CNTN4: variants seen among roughly 807,000 people sequenced by gnomAD.
CNTN4 encodes contactin 4, also known as contactin-4.
Under a neutral mutation model 122.5 loss-of-function variants are expected in CNTN4, and 77 were observed. The observed-to-expected ratio is 0.63, with a 90% CI of 0.52 to 0.76. CNTN4 has a LOEUF of 0.76. Ranked by LOEUF, CNTN4 falls within the 30% of genes least tolerant of loss-of-function variation. The pLI, the probability that CNTN4 is intolerant of heterozygous loss-of-function variation, is 0.00. For missense variants in CNTN4, 1,256 were observed against 1,259.1 expected (o/e 1.00, Z 0.04); for synonymous variants, 512 against 447.0 (o/e 1.15, Z -1.83).
intron 2 of CNTN4, among the ~76,000 whole-genome samples, chr3:2,189,312 G>A (rs2037416923): frequency 6.6e-6 from 1 of 152,048 alleles, no homozygotes; most frequent in African/African-American, 2.4e-5. Context: ...GTCCTTCACC[G>A]ATGCCTGCCG....
intron 17 of CNTN4, 109 bp downstream of exon 17, chr3:3,034,899 T>C: frequency 2.6e-6 from 3 of 1,162,818 alleles, no homozygotes; most frequent in East Asian, 2.3e-5. Flanking sequence ...ACAAATGATA[T>C]ATTATGGCAG....
At chr3:2,368,689 G>A (rs922937037) in intron 3 of CNTN4, among the ~76,000 whole-genome samples, 1 of 151,996 alleles carries the variant, frequency 6.6e-6, no homozygotes, top group African/African-American at 2.4e-5. Context: ...CTGAACAGAA[G>A]TGCAAGACTA....
At chr3:2,422,594 C>A (rs187055536) in intron 3 of CNTN4, among the ~76,000 whole-genome samples, 119 of 152,332 alleles carry the variant, frequency 7.8e-4, no homozygotes, top group Non-Finnish European at 1.5e-3. Context: ...CCAATTCCTT[C>A]TTCCCTATAG....
chr3:2,840,726 A>T (rs1325896752), intron 7 of CNTN4, among the ~76,000 whole-genome samples: 1 of 151,920 alleles, frequency 6.6e-6, no homozygotes, highest in Non-Finnish European at 1.5e-5. Flanking sequence ...AAATAAAAAA[A>T]TAAAAGCTGG....
chr3:2,907,029 A>C (rs2151186931), intron 12 of CNTN4, among the ~76,000 whole-genome samples: 1 of 152,234 alleles, frequency 6.6e-6, no homozygotes, highest in Non-Finnish European at 1.5e-5. Flanking sequence ...GAGTGTGTAA[A>C]CCCGTAGAGT....
rs1328532898 is a variant in CNTN4 at position 2,953,461 on chromosome 3, ACTT to A, written c.1358+27688_1358+27690del. Among the ~76,000 whole-genome samples the A allele has an allele frequency of 2.0e-5, 3 of 147,732 alleles. 1 individual carries two copies. The highest frequency in any genetic ancestry group is 7.5e-5 in the African/African-American group (3 of 39,760). On this transcript the variant is annotated intron_variant, in intron 13 of 24. Coordinates refer to ENST00000418658, the MANE Select transcript of CNTN4 (RefSeq NM_175607.3). ...TTTTTTTTTCTAGTCCATCCAGGCCACTTCTTCTCCATTTGTCTATTGGGTCCT... is the reference window on the plus strand; with the variant it reads ...TTTTTTTTTCTAGTCCATCCAGGCCACTTCTCCATTTGTCTATTGGGTCCT...
intron 3 of CNTN4, among the ~76,000 whole-genome samples, chr3:2,437,488 A>G (rs946649230): frequency 2.1e-4 from 32 of 152,182 alleles, no homozygotes; most frequent in Admixed American, 5.9e-4. Context: ...AAATAATCAA[A>G]CCCCATATTT....
intron 4 of CNTN4, among the ~76,000 whole-genome samples, chr3:2,671,566 A>T (rs962711698): frequency 6.6e-6 from 1 of 151,978 alleles, no homozygotes; most frequent in Non-Finnish European, 1.5e-5. Context: ...AAGTTTGATC[A>T]TCTGAAGCCT....
At chr3:2,858,016 T>G (rs1168364474) in intron 7 of CNTN4, among the ~76,000 whole-genome samples, 1 of 152,200 alleles carries the variant, frequency 6.6e-6, no homozygotes, top group Non-Finnish European at 1.5e-5. Flanking sequence ...CTAAATTGCC[T>G]ATAGATTCAT....
chr3:2,508,730 AT>A (rs893991876), intron 3 of CNTN4, among the ~76,000 whole-genome samples: 2 of 152,194 alleles, frequency 1.3e-5, no homozygotes, highest in African/African-American at 2.4e-5. Context: ...CTGAGGTAAA[AT>A]AGCAGGTTCT....
chr3:3,000,850 G>A (rs1574774847), intron 14 of CNTN4, among the ~76,000 whole-genome samples: 1 of 137,704 alleles, frequency 7.3e-6, no homozygotes, highest in African/African-American at 2.7e-5. Flanking sequence ...CACTGACTTT[G>A]TTTTCTTACT....
chr3:2,616,349 G>C (rs1182397236), intron 4 of CNTN4, among the ~76,000 whole-genome samples: 1 of 152,056 alleles, frequency 6.6e-6, no homozygotes, highest in Non-Finnish European at 1.5e-5. Context: ...TGGTGTATAT[G>C]TACCACATTT....
chr3:2,652,020 T>C (rs2083386223), intron 4 of CNTN4, among the ~76,000 whole-genome samples: 1 of 151,508 alleles, frequency 6.6e-6, no homozygotes, highest in Admixed American at 6.6e-5. Context: ...AAAAAGGTGT[T>C]GTTTTTTTTT....
chr3:2,212,439 A>T (rs548787796), intron 2 of CNTN4, among the ~76,000 whole-genome samples: 1 of 152,320 alleles, frequency 6.6e-6, no homozygotes, highest in African/African-American at 2.4e-5. Context: ...CAATCGTGGC[A>T]GGAGGCAAAT....
chr3:2,479,394 G>A (rs1482899154), intron 3 of CNTN4, among the ~76,000 whole-genome samples: 3 of 152,170 alleles, frequency 2.0e-5, no homozygotes, highest in Non-Finnish European at 1.5e-5. Flanking sequence ...CAGCCAGCCT[G>A]CGAATGTAAC....
chr3:2,214,416 T>G (rs1168592471), intron 2 of CNTN4, among the ~76,000 whole-genome samples: 1 of 152,200 alleles, frequency 6.6e-6, no homozygotes, highest in Admixed American at 6.5e-5. Context: ...CAGATTTCCG[T>G]GTATTTAATA....
chr3:2,887,621 G>C (rs2093993677), intron 10 of CNTN4, among the ~76,000 whole-genome samples: 1 of 151,626 alleles, frequency 6.6e-6, no homozygotes, highest in Non-Finnish European at 1.5e-5. Context: ...TGAGGCTTGT[G>C]CTAATCTTTT....
intron 3 of CNTN4, among the ~76,000 whole-genome samples, chr3:2,481,541 G>C (rs184340901): frequency 3.3e-5 from 5 of 151,964 alleles, no homozygotes; most frequent in African/African-American, 1.2e-4. Flanking sequence ...TAAACCCCGC[G>C]CAAAAAAATT....
At chr3:2,778,213 C>CAAATAAAT (rs60613605) in intron 6 of CNTN4, among the ~76,000 whole-genome samples, 5,017 of 118,440 alleles carry the variant, frequency 0.042, 151 homozygotes, top group African/African-American at 0.073. Context: ...GACTCCGTCT[C>CAAATAAAT]AAATAAATAA....
Sources: allele counts gnomAD v4.1 joint callset (sites outside exome capture counted in the v4.1 genomes callset), GRCh38; gene constraint gnomAD v4.1.1; transcripts MANE v1.5; gene names NCBI Gene and HGNC (gene_info 2026-07-23, HGNC 2026-07-21).